FBLN1: variants seen among roughly 807,000 people sequenced by gnomAD.
FBLN1 encodes the protein fibulin 1.
Under a neutral mutation model 89.7 loss-of-function variants are expected in FBLN1, and 34 were observed. The ratio of observed to expected loss-of-function variants is 0.38; its 90% CI spans 0.29 to 0.50. The LOEUF (loss-of-function observed/expected upper bound fraction) is 0.50, where lower values mean the gene tolerates loss of function less well. FBLN1 is among the 20% of genes least tolerant of loss of function. The pLI, the probability that FBLN1 is intolerant of heterozygous loss-of-function variation, is 0.92. For synonymous variants in FBLN1, 393 were observed against 391.3 expected, an observed-to-expected ratio of 1.00 and a Z score of -0.05; for missense variants, 777 against 988.1, an observed-to-expected ratio of 0.79 and a Z score of 2.86.
intron 14 of FBLN1, among the ~76,000 whole-genome samples, chr22:45,552,231 A>C (rs1341070375): frequency 6.6e-6 from 1 of 152,196 alleles, no homozygotes; most frequent in Non-Finnish European, 1.5e-5. Context: ...GAGGGTGGGC[A>C]GGGGGCTGTC....
chr22:45,585,142 C>T (rs978100705), intron 16 of FBLN1, among the ~76,000 whole-genome samples: 2 of 152,186 alleles, frequency 1.3e-5, no homozygotes, highest in African/African-American at 2.4e-5. Context: ...TGTGGCAGGG[C>T]TGCTATGTAC....
Position 45,600,575 on chromosome 22 carries a change from G to A in FBLN1, c.*129G>A. On this transcript the variant is annotated 3_prime_UTR_variant, in exon 17 of 17. Coordinates refer to ENST00000327858, the MANE Select transcript of FBLN1 (RefSeq NM_006486.3). ...GGTATTTGTAGCATTAGGCCAACAT[G>A]TATTAAGCTGAGCCAGATGAATAAG... is the stretch of plus-strand genomic sequence containing the variant. 3 of 1,066,754 alleles carry A rather than the reference G, an allele frequency of 2.8e-6. No homozygotes were observed. Among genetic ancestry groups the A allele is most frequent in the South Asian group, 2.5e-5 (2 of 79,502 alleles). The allele number at this position is 1,066,754 out of a possible 1,614,324, so 66.1% of individuals were successfully genotyped here.
At chr22:45,510,635 A>G (rs1602159434) in intron 1 of FBLN1, among the ~76,000 whole-genome samples, 1 of 152,246 alleles carries the variant, frequency 6.6e-6, no homozygotes, top group South Asian at 2.1e-4. Context: ...TAGCAGGCTG[A>G]CATTCTGGAA....
In FBLN1 at chr22:45,590,287, C is replaced by T. The variant is rs567518716; in HGVS notation, c.1973-10020C>T. Among the ~76,000 whole-genome samples, 21 of 152,334 alleles carry T rather than the reference C, an allele frequency of 1.4e-4. No homozygotes were observed. The highest frequency in any genetic ancestry group is 2.1e-4 in the South Asian group (1 of 4,822). On this transcript the variant is annotated intron_variant, in intron 16 of 16. Coordinates refer to ENST00000327858, the MANE Select transcript of FBLN1 (RefSeq NM_006486.3). The surrounding 1 kb of genome is among the most constrained non-coding windows in gnomAD (Gnocchi z 4.1). ...GAAAGAGGCAGAGTAGCCTTCACTC[C>T]GGAAGGCAGAGGGCAGGACTTGGCC... is the stretch of plus-strand genomic sequence containing the variant.
At chr22:45,509,895 G>C (rs1392239353) in intron 1 of FBLN1, among the ~76,000 whole-genome samples, 1 of 152,146 alleles carries the variant, frequency 6.6e-6, no homozygotes, top group East Asian at 1.9e-4. Flanking sequence ...CAGGTGGGGT[G>C]GGGGCATGAT....
At position 45,574,709 on chromosome 22, in the gene FBLN1, G is replaced by C. The variant is rs763220554; in HGVS notation, c.1840+56G>C. 15 of 1,538,612 alleles carry C rather than the reference G, an allele frequency of 9.7e-6. No individual in the cohort carries two copies. The East Asian group carries it at 3.0e-4, about 30-fold the overall frequency. On this transcript the variant is annotated intron_variant, in intron 15 of 16. Coordinates refer to ENST00000327858, the MANE Select transcript of FBLN1 (RefSeq NM_006486.3). This position sits in a 1 kb window ranked among gnomAD's most constrained non-coding sequence, Gnocchi z 4.1. ...CCCCCTAGGGCCTCCCTCGGCTTCA[G>C]CTGAGGGCTTGGCCTACAGGAGTTG...
chr22:45,524,823 G>T (rs960828859), intron 2 of FBLN1, among the ~76,000 whole-genome samples: 1 of 152,104 alleles, frequency 6.6e-6, no homozygotes, highest in African/African-American at 2.4e-5. Context: ...GGTAGCTCAC[G>T]CCTGTAATCC....
intron 14 of FBLN1, among the ~76,000 whole-genome samples, chr22:45,569,642 A>AAGAAG (rs2088933758): frequency 1.3e-5 from 2 of 149,740 alleles, no homozygotes; most frequent in Non-Finnish European, 3.0e-5. Context: ...CTGTCTCAAA[A>AAGAAG]AAGAAGAAGA....
intron 16 of FBLN1, among the ~76,000 whole-genome samples, chr22:45,599,300 C>T (rs1013382341): frequency 4.6e-5 from 7 of 152,182 alleles, no homozygotes; most frequent in African/African-American, 9.6e-5. Context: ...GCCCTGGGGA[C>T]GCCACTGCTG....
intron 11 of FBLN1, 141 bp from the exon 12 acceptor site, chr22:45,546,944 C>A: frequency 7.4e-7 from 1 of 1,353,306 alleles, no homozygotes; most frequent in Non-Finnish European, 1.0e-6. Context: ...CCCTCGGCCA[C>A]ACCCCCCGGG....
Position 45,562,309 on chromosome 22 carries a change from C to T in FBLN1, c.1697+11694C>T, listed in dbSNP as rs1031262720. ...GGAACTGACCTCAATGGCTGAGTAG[C>T]GATATGGCTCCCTCACTCACTCTGT... On this transcript the variant is annotated intron_variant, in intron 14 of 16. Coordinates refer to ENST00000327858, the MANE Select transcript of FBLN1 (RefSeq NM_006486.3). This position sits in a 1 kb window ranked among gnomAD's most constrained non-coding sequence, Gnocchi z 7.8. Among the ~76,000 whole-genome samples the T allele has an allele frequency of 4.6e-5, 7 of 152,152 alleles. No individual in the cohort carries two copies. The highest frequency in any genetic ancestry group is 2.1e-4 in the South Asian group (1 of 4,818).
intron 10 of FBLN1, 151 bp from the exon 11 acceptor site, chr22:45,543,250 A>G: frequency 2.1e-6 from 2 of 948,112 alleles, no homozygotes; most frequent in East Asian, 2.7e-5. Flanking sequence ...TAGGAGACAG[A>G]GCGAGACTCC....
At position 45,525,731 on chromosome 22, in the gene FBLN1, C is replaced by T. The variant is rs116717144; in HGVS notation, c.321+53C>T. On this transcript the variant is annotated intron_variant, in intron 3 of 16. Coordinates refer to ENST00000327858, the MANE Select transcript of FBLN1 (RefSeq NM_006486.3). ...CTGCCCGTCCCCACTAGTCGGCAGA[C>T]CCAGGCCCTCCCAGCCAAGCGGCAC... is the stretch of plus-strand genomic sequence containing the variant. 786 of 1,549,290 alleles carry T rather than the reference C, an allele frequency of 5.1e-4. 5 individuals carry two copies. In the African/African-American group the frequency reaches 9.2e-3, roughly 18 times the overall value.
chr22:45,540,762 C>A (rs148975773), intron 8 of FBLN1, among the ~76,000 whole-genome samples: 339 of 152,322 alleles, frequency 2.2e-3, no homozygotes, highest in African/African-American at 7.6e-3. Flanking sequence ...AAGGAGACTG[C>A]CGTGCAGTGA....
chr22:45,538,508 C>G (rs2238819), intron 8 of FBLN1, among the ~76,000 whole-genome samples: 8,819 of 152,268 alleles, frequency 0.058, 497 homozygotes, highest in East Asian at 0.16. Flanking sequence ...TTTTCCCCCC[C>G]ACTTGACAGG....
rs538638046 is a variant in FBLN1, at chr22:45,562,900, C to A, written c.1698-11611C>A. The A allele has an allele frequency of 1.9e-6, 3 of 1,613,076 alleles. No individual in the cohort carries two copies. The South Asian group carries it at 3.3e-5, about 18-fold the overall frequency. Reference sequence around the variant, plus strand: ...AACCCTCTTCTTGTCTCTCTGCCCACTTTTCTTGCAGCCGCTGTGAGCGCT... The same window carrying A: ...AACCCTCTTCTTGTCTCTCTGCCCAATTTTCTTGCAGCCGCTGTGAGCGCT... On this transcript the variant is annotated intron_variant, in intron 14 of 16. Transcript: ENST00000327858. The surrounding 1 kb of genome is among the most constrained non-coding windows in gnomAD (Gnocchi z 7.8).
chr22:45,542,706 G>A (rs1348054059), intron 10 of FBLN1, among the ~76,000 whole-genome samples: 1 of 152,208 alleles, frequency 6.6e-6, no homozygotes, highest in Non-Finnish European at 1.5e-5. Context: ...GTCTTGTCCA[G>A]CCAGTGCCTG....
At chr22:45,569,627 A>G (rs1019267418) in intron 14 of FBLN1, among the ~76,000 whole-genome samples, 2 of 150,988 alleles carry the variant, frequency 1.3e-5, no homozygotes, top group African/African-American at 4.9e-5. Context: ...TGACAGGGCA[A>G]GACTCTGTCT....
At chr22:45,546,396 T>C (rs151127284) in intron 11 of FBLN1, among the ~76,000 whole-genome samples, 3,271 of 152,200 alleles carry the variant, frequency 0.021, 61 homozygotes, top group Non-Finnish European at 0.03. Context: ...CTTGTATTTT[T>C]AGTAGAGATG....
Sources: gnomAD v4.1 joint callset for allele counts (sites outside exome capture counted in the v4.1 genomes callset) on GRCh38, gnomAD v4.1.1 for gene constraint, Gnocchi (gnomAD v3.1) non-coding constraint, MANE v1.5 for transcripts, NCBI Gene and HGNC (gene_info 2026-07-23, HGNC 2026-07-21) for gene names.